The following SEMA6D variants were observed in gnomAD, a reference collection of about 807,000 sequenced individuals.
The protein encoded by SEMA6D is semaphorin-6D.
A neutral mutation model predicts 106.6 loss-of-function variants in SEMA6D; 35 were observed. The ratio of observed to expected loss-of-function variants is 0.33; its 90% CI spans 0.25 to 0.44. SEMA6D has a LOEUF of 0.44. Ranked by LOEUF, SEMA6D falls within the 20% of genes least tolerant of loss-of-function variation. The pLI is 1.00. For synonymous variants in SEMA6D, 499 were observed against 487.7 expected (o/e 1.02, Z -0.31); for missense variants, 1,185 against 1,345.9 (o/e 0.88, Z 1.87).
chr15:47,416,656 G>A (rs1200506291), intron 2 of SEMA6D, among the ~76,000 whole-genome samples: 4 of 151,956 alleles, frequency 2.6e-5, no homozygotes, highest in South Asian at 4.2e-4. Context: ...GTTTCTCCCC[G>A]AAGCCAGTGT....
chr15:47,722,512 C>T (rs2079483186), intron 1 of SEMA6D, among the ~76,000 whole-genome samples: 1 of 151,958 alleles, frequency 6.6e-6, no homozygotes, highest in South Asian at 2.1e-4. Flanking sequence ...GTTATAGTAG[C>T]CATTGCTTGT....
intron 4 of SEMA6D, among the ~76,000 whole-genome samples, chr15:47,639,893 CATG>C (rs781644236): frequency 1.3e-5 from 2 of 152,090 alleles, no homozygotes; most frequent in Non-Finnish European, 2.9e-5. Flanking sequence ...CCAAAAGAGG[CATG>C]ATTTATACAT....
chr15:47,322,520 C>T (rs948095266), intron 1 of SEMA6D, among the ~76,000 whole-genome samples: 4 of 151,994 alleles, frequency 2.6e-5, no homozygotes, highest in Non-Finnish European at 5.9e-5. Context: ...GTGAGGGATA[C>T]CACAGAAGTA....
chr15:47,401,379 C>T (rs374497035), intron 1 of SEMA6D, among the ~76,000 whole-genome samples: 13 of 152,218 alleles, frequency 8.5e-5, no homozygotes, highest in East Asian at 7.7e-4. Context: ...AAAATGTTGG[C>T]AGTACTACTA....
At chr15:47,558,026 G>A (rs374229320) in intron 3 of SEMA6D, among the ~76,000 whole-genome samples, 23 of 152,198 alleles carry the variant, frequency 1.5e-4, no homozygotes, top group East Asian at 9.7e-4. Flanking sequence ...GATCAAAACC[G>A]TGTAAAGCAA....
intron 2 of SEMA6D, among the ~76,000 whole-genome samples, chr15:47,436,768 A>ATAT (rs1555439464): frequency 4.3e-4 from 54 of 125,384 alleles, no homozygotes; most frequent in Middle Eastern, 4.2e-3. Flanking sequence ...TAAAAAAAAA[A>ATAT]ATATATATAT....
At chr15:47,335,124 G>T (rs1219954275) in intron 1 of SEMA6D, among the ~76,000 whole-genome samples, 1 of 152,014 alleles carries the variant, frequency 6.6e-6, no homozygotes, top group Admixed American at 6.6e-5. Context: ...TCAGTATGGG[G>T]GAAGGGCAAA....
chr15:47,703,258 G>A (rs571466020), intron 4 of SEMA6D, among the ~76,000 whole-genome samples: 7 of 152,144 alleles, frequency 4.6e-5, no homozygotes, highest in Admixed American at 2.6e-4. Flanking sequence ...GCAATATATG[G>A]CATGGGTGAA....
intron 3 of SEMA6D, among the ~76,000 whole-genome samples, chr15:47,526,463 G>A (rs1431823639): frequency 6.6e-6 from 1 of 152,146 alleles, no homozygotes; most frequent in Non-Finnish European, 1.5e-5. Flanking sequence ...GCACTACTGG[G>A]AACCTGAATA....
chr15:47,682,559 G>GT (rs1248326423), intron 4 of SEMA6D, among the ~76,000 whole-genome samples: 1 of 152,126 alleles, frequency 6.6e-6, no homozygotes, highest in Non-Finnish European at 1.5e-5. Flanking sequence ...TAAAGAATTG[G>GT]TAACCTCAGT....
chr15:47,618,064 G>A (rs981405222), intron 4 of SEMA6D, among the ~76,000 whole-genome samples: 2 of 152,160 alleles, frequency 1.3e-5, no homozygotes, highest in African/African-American at 4.8e-5. Flanking sequence ...TTCAAACTAG[G>A]AGAAACAATT....
rs138546563 is a variant in SEMA6D, at chr15:47,384,009, C to T, written c.-238-28384C>T. Among the ~76,000 whole-genome samples, 18 of 152,290 alleles carry T rather than the reference C, an allele frequency of 1.2e-4. No homozygotes were observed. In the East Asian group the frequency reaches 3.3e-3, roughly 28 times the overall value. On this transcript the variant is annotated intron_variant, in intron 1 of 19. Transcript: ENST00000558014. The stretch of plus-strand genomic sequence containing the variant: ...CCACGATCTCATTTACAATGGGCTC[C>T]GTTATTGCTTATACCCAGTTTAATT...
chr15:47,691,355 C>T (rs2078582667), intron 4 of SEMA6D, among the ~76,000 whole-genome samples: 1 of 152,088 alleles, frequency 6.6e-6, no homozygotes. Flanking sequence ...TCCTTTGGAT[C>T]TACATTTACT....
chr15:47,720,059 G>C (rs2079326539), intron 1 of SEMA6D, among the ~76,000 whole-genome samples: 1 of 152,068 alleles, frequency 6.6e-6, no homozygotes, highest in Non-Finnish European at 1.5e-5. Context: ...TGCTTTGTTT[G>C]GTTTAGGTCT....
intron 3 of SEMA6D, among the ~76,000 whole-genome samples, chr15:47,583,515 C>G (rs2076287368): frequency 6.6e-6 from 1 of 152,110 alleles, no homozygotes; most frequent in Admixed American, 6.6e-5. Flanking sequence ...GCCCTCACCC[C>G]AACAGGCGGT....
At chr15:47,284,041 C>A (rs2035249128) in intron 1 of SEMA6D, among the ~76,000 whole-genome samples, 1 of 152,104 alleles carries the variant, frequency 6.6e-6, no homozygotes, top group South Asian at 2.1e-4. Flanking sequence ...ACTTGAAGAG[C>A]CGAGATCCTA....
At chr15:47,699,281 GC>G (rs1348802584) in intron 4 of SEMA6D, among the ~76,000 whole-genome samples, 2 of 152,120 alleles carry the variant, frequency 1.3e-5, no homozygotes, top group Non-Finnish European at 2.9e-5. Context: ...TTTATTACAA[GC>G]CTACTGTGTG....
At chr15:47,687,679 A>G (rs2078498337) in intron 4 of SEMA6D, among the ~76,000 whole-genome samples, 2 of 152,190 alleles carry the variant, frequency 1.3e-5, no homozygotes, top group Non-Finnish European at 2.9e-5. Flanking sequence ...TGTGGAGAAT[A>G]AGCATGTTCA....
intron 1 of SEMA6D, among the ~76,000 whole-genome samples, chr15:47,340,279 A>G (rs1454601374): frequency 1.3e-5 from 2 of 152,130 alleles, no homozygotes; most frequent in African/African-American, 2.4e-5. Context: ...AGAGTGAGCC[A>G]TGTAAACCAT....
Sources: gnomAD v4.1 joint callset for allele counts (sites outside exome capture counted in the v4.1 genomes callset) on GRCh38, gnomAD v4.1.1 for gene constraint, MANE v1.5 for transcripts, NCBI Gene and HGNC (gene_info 2026-07-23, HGNC 2026-07-21) for gene names.